ARNT2: variants seen among roughly 807,000 people sequenced by gnomAD.
The protein encoded by ARNT2 is ARNT protein 2.
A neutral mutation model predicts 91.7 loss-of-function variants in ARNT2; 36 were observed. The observed-to-expected ratio is 0.39, with a 90% CI of 0.30 to 0.52. The LOEUF is 0.52. Ranked by LOEUF, ARNT2 falls within the 20% of genes least tolerant of loss-of-function variation. The pLI is 0.72. For missense variants in ARNT2, 775 were observed against 939.3 expected (o/e 0.83, Z 2.29); for synonymous variants, 365 against 347.1 (o/e 1.05, Z -0.57).
intron 5 of ARNT2, among the ~76,000 whole-genome samples, chr15:80,486,553 T>C (rs74029817): frequency 0.043 from 6,481 of 152,250 alleles, 294 homozygotes; most frequent in East Asian, 0.13. Context: ...CAAGTTTAAC[T>C]GCGGGGAGGA....
At chr15:80,575,623 A>ATCAC (rs1215504880) in intron 14 of ARNT2, among the ~76,000 whole-genome samples, 2 of 152,194 alleles carry the variant, frequency 1.3e-5, no homozygotes, top group Admixed American at 1.3e-4. Flanking sequence ...GCTGTGGGTG[A>ATCAC]GCCTGTGGGT....
chr15:80,539,125 G>A (rs1897868049), intron 8 of ARNT2, among the ~76,000 whole-genome samples: 1 of 151,872 alleles, frequency 6.6e-6, no homozygotes, highest in Admixed American at 6.6e-5. Context: ...AGCTTTATGG[G>A]CAAATTATTT....
intron 5 of ARNT2, among the ~76,000 whole-genome samples, chr15:80,480,150 T>C (rs1054187127): frequency 1.1e-4 from 17 of 152,108 alleles, no homozygotes; most frequent in Admixed American, 9.8e-4. Flanking sequence ...GGGAGTGGTG[T>C]CAGGGAGGGG....
intron 5 of ARNT2, among the ~76,000 whole-genome samples, chr15:80,477,206 G>A (rs59634620): frequency 0.058 from 8,849 of 152,230 alleles, 581 homozygotes; most frequent in African/African-American, 0.16. Flanking sequence ...TTTTCTTTGT[G>A]AATTACCCAG....
intron 1 of ARNT2, among the ~76,000 whole-genome samples, chr15:80,415,337 C>T (rs1895762384): frequency 6.6e-6 from 1 of 152,218 alleles, no homozygotes; most frequent in Non-Finnish European, 1.5e-5. Context: ...AATTGAATGC[C>T]AACCGTGTGC....
chr15:80,502,868 G>C (rs1897220037), intron 5 of ARNT2, among the ~76,000 whole-genome samples: 1 of 152,304 alleles, frequency 6.6e-6, no homozygotes, highest in African/African-American at 2.4e-5. Context: ...GAGGTGACCA[G>C]GGTGGCCGGT....
At chr15:80,572,682 C>G (rs907222514) in intron 12 of ARNT2, among the ~76,000 whole-genome samples, 2 of 152,188 alleles carry the variant, frequency 1.3e-5, no homozygotes, top group Non-Finnish European at 2.9e-5. Flanking sequence ...CTTCTTGTTT[C>G]AAAATAGACA....
At chr15:80,503,960 A>G (rs971421288) in intron 5 of ARNT2, among the ~76,000 whole-genome samples, 8 of 152,198 alleles carry the variant, frequency 5.3e-5, no homozygotes, top group Admixed American at 5.2e-4. Context: ...CTGACCAGGC[A>G]CAGTCCTAGA....
chr15:80,582,691 C>T (rs768961181), intron 17 of ARNT2, among the ~76,000 whole-genome samples: 30 of 152,112 alleles, frequency 2.0e-4, no homozygotes, highest in Non-Finnish European at 4.0e-4. Flanking sequence ...TGCAGTGTGT[C>T]TCCTCTTCGT....
At chr15:80,522,812 G>T (rs1897574069) in intron 8 of ARNT2, among the ~76,000 whole-genome samples, 1 of 128,496 alleles carries the variant, frequency 7.8e-6, no homozygotes, top group Admixed American at 7.3e-5. Context: ...GTGTGTGTGT[G>T]TGTGTGTGTA....
At chr15:80,455,868 C>A (rs1233503871) in intron 2 of ARNT2, among the ~76,000 whole-genome samples, 4 of 152,168 alleles carry the variant, frequency 2.6e-5, no homozygotes, top group Non-Finnish European at 4.4e-5. Flanking sequence ...TGCATGAGTT[C>A]TTTGGAATGT....
chr15:80,561,972 A>G (rs147022458), intron 11 of ARNT2, among the ~76,000 whole-genome samples: 6 of 152,210 alleles, frequency 3.9e-5, no homozygotes, highest in African/African-American at 1.4e-4. Context: ...CATAGCATCT[A>G]TAGGGTTTGG....
At chr15:80,581,769 C>T (rs1219096966) in intron 17 of ARNT2, among the ~76,000 whole-genome samples, 1 of 152,234 alleles carries the variant, frequency 6.6e-6, no homozygotes, top group African/African-American at 2.4e-5. Context: ...TAGAGACAAT[C>T]AATTGCATAA....
At chr15:80,457,519 C>T (rs913265636) in intron 2 of ARNT2, among the ~76,000 whole-genome samples, 2 of 152,118 alleles carry the variant, frequency 1.3e-5, no homozygotes, top group African/African-American at 2.4e-5. Flanking sequence ...ACAAGATAAA[C>T]TAAGAAAAAA....
At chr15:80,444,355 G>GT (rs1896250838) in intron 1 of ARNT2, 1,553 of 150,572 alleles carry the variant, frequency 0.01, 27 homozygotes, top group African/African-American at 0.036. Context: ...GTGTGTACGT[G>GT]GTGTGTGTGT....
chr15:80,478,320 C>T (rs79562324), intron 5 of ARNT2, among the ~76,000 whole-genome samples: 1 of 152,328 alleles, frequency 6.6e-6, no homozygotes, highest in East Asian at 1.9e-4. Flanking sequence ...AGGCTCTGGC[C>T]AAGGGTGTAG....
At chr15:80,417,218 C>T (rs946063917) in intron 1 of ARNT2, among the ~76,000 whole-genome samples, 2 of 152,184 alleles carry the variant, frequency 1.3e-5, no homozygotes, top group Admixed American at 1.3e-4. Context: ...CTGAAACACA[C>T]TGCAATTAAC....
intron 5 of ARNT2, among the ~76,000 whole-genome samples, chr15:80,498,846 G>GCTT (rs1400894329): frequency 2.0e-5 from 3 of 152,218 alleles, no homozygotes; most frequent in African/African-American, 7.2e-5. Flanking sequence ...CTGCCCATCT[G>GCTT]CTTCTGTTCG....
At chr15:80,494,744 G>T (rs1332178222) in intron 5 of ARNT2, among the ~76,000 whole-genome samples, 1 of 152,184 alleles carries the variant, frequency 6.6e-6, no homozygotes, top group African/African-American at 2.4e-5. Flanking sequence ...GAGCCCAGTT[G>T]TCGAGGTGGG....
Sources: allele counts gnomAD v4.1 joint callset (sites outside exome capture counted in the v4.1 genomes callset), GRCh38; gene constraint gnomAD v4.1.1; transcripts MANE v1.5; gene names NCBI Gene and HGNC (gene_info 2026-07-23, HGNC 2026-07-21).